The following RALYL variants were observed in gnomAD, a reference collection of about 807,000 sequenced individuals.
RALYL encodes RALY RNA binding protein like.
RALYL carries 29 observed loss-of-function variants against 35.1 expected under a neutral mutation model. The observed-to-expected ratio is 0.83, with a 90% CI of 0.61 to 1.13. The LOEUF is 1.13. Ranked by LOEUF, RALYL falls within the 50% of genes most tolerant of loss-of-function variation. The pLI is 0.00. For synonymous variants in RALYL, 120 were observed against 127.6 expected (o/e 0.94, Z 0.40); for missense variants, 359 against 360.4 (o/e 1.00, Z 0.03).
chr8:84,716,778 T>A (rs1842998390), intron 2 of RALYL, among the ~76,000 whole-genome samples: 1 of 152,156 alleles, frequency 6.6e-6, no homozygotes, highest in African/African-American at 2.4e-5. Flanking sequence ...TTGAGAAAAT[T>A]CTATTTGAAT....
intron 1 of RALYL, among the ~76,000 whole-genome samples, chr8:84,195,732 T>C (rs1815119222): frequency 6.6e-6 from 1 of 151,928 alleles, no homozygotes; most frequent in African/African-American, 2.4e-5. Flanking sequence ...TATGACAGTG[T>C]AGAGAAGAGG....
At chr8:84,418,804 T>A (rs1324616346) in intron 1 of RALYL, among the ~76,000 whole-genome samples, 1 of 152,154 alleles carries the variant, frequency 6.6e-6, no homozygotes, top group African/African-American at 2.4e-5. Context: ...TCACTGTTTG[T>A]CTCCCTCCAC....
intron 1 of RALYL, among the ~76,000 whole-genome samples, chr8:84,382,948 T>A (rs1417697004): frequency 2.6e-5 from 4 of 151,808 alleles, no homozygotes; most frequent in Admixed American, 2.0e-4. Flanking sequence ...TTAATTTGTT[T>A]TCTTCATAGT....
At chr8:84,689,794 A>G (rs1199378194) in intron 2 of RALYL, among the ~76,000 whole-genome samples, 1 of 152,124 alleles carries the variant, frequency 6.6e-6, no homozygotes, top group Non-Finnish European at 1.5e-5. Context: ...ATGATATCTC[A>G]TTATGGTTTT....
At chr8:84,518,226 T>A (rs2058205345) in intron 1 of RALYL, among the ~76,000 whole-genome samples, 1 of 152,116 alleles carries the variant, frequency 6.6e-6, no homozygotes, top group Non-Finnish European at 1.5e-5. Context: ...AACTTTAACC[T>A]TGACTAAGCT....
At chr8:84,313,233 G>A (rs191251145) in intron 1 of RALYL, among the ~76,000 whole-genome samples, 1 of 152,298 alleles carries the variant, frequency 6.6e-6, no homozygotes, top group East Asian at 1.9e-4. Context: ...CCCTAGACCT[G>A]GCCCACGAAA....
At chr8:84,514,030 G>A (rs956630274) in intron 1 of RALYL, among the ~76,000 whole-genome samples, 1 of 141,996 alleles carries the variant, frequency 7.0e-6, no homozygotes. Flanking sequence ...GGAGGTAGAG[G>A]TTGCAGTGAG....
intron 3 of RALYL, among the ~76,000 whole-genome samples, chr8:84,783,774 G>A (rs1186424284): frequency 1.3e-5 from 2 of 152,098 alleles, no homozygotes; most frequent in Admixed American, 6.5e-5. Flanking sequence ...GTTTTCTAAA[G>A]TAAATCCCCA....
intron 2 of RALYL, among the ~76,000 whole-genome samples, chr8:84,768,483 C>T (rs1423345141): frequency 6.6e-6 from 1 of 152,126 alleles, no homozygotes; most frequent in African/African-American, 2.4e-5. Context: ...CTACTAAAAC[C>T]AGGTTTTAGA....
chr8:84,793,075 A>T (rs983701189), intron 3 of RALYL, among the ~76,000 whole-genome samples: 6 of 152,184 alleles, frequency 3.9e-5, no homozygotes, highest in African/African-American at 1.4e-4. Flanking sequence ...GTGGGTGGTG[A>T]GTAAAGATAT....
intron 8 of RALYL, among the ~76,000 whole-genome samples, chr8:84,902,927 A>G (rs1344368749): frequency 1.3e-5 from 2 of 152,196 alleles, no homozygotes; most frequent in South Asian, 2.1e-4. Flanking sequence ...TAACATTGAA[A>G]GAAAAAAATT....
intron 1 of RALYL, among the ~76,000 whole-genome samples, chr8:84,256,991 AT>A (rs1163686069): frequency 5.9e-5 from 9 of 151,892 alleles, no homozygotes; most frequent in African/African-American, 2.2e-4. Flanking sequence ...TATTGGTTTA[AT>A]ATACTTATTA....
rs1170900058 is a variant in RALYL at position 84,442,077 on chromosome 8, G to A, written c.-23-87222G>A. Reference sequence around the variant, plus strand: ...TCACTGAACATTTGGATAACAGGGAGCACCAACAAAGGCAAAAAGAAAGAA... The same window carrying A: ...TCACTGAACATTTGGATAACAGGGAACACCAACAAAGGCAAAAAGAAAGAA... On this transcript the variant is annotated intron_variant, in intron 1 of 8. Transcript: ENST00000521268. Among the ~76,000 whole-genome samples the A allele has an allele frequency of 3.9e-5, 6 of 152,214 alleles. No individual in the cohort carries two copies. In the South Asian group the frequency reaches 1.2e-3, roughly 32 times the overall value.
chr8:84,758,876 A>C (rs911382179), intron 2 of RALYL, among the ~76,000 whole-genome samples: 2 of 152,188 alleles, frequency 1.3e-5, no homozygotes, highest in African/African-American at 4.8e-5. Flanking sequence ...AAATTACCAC[A>C]AGTTTAGTAA....
At chr8:84,441,838 CT>C (rs2048362165) in intron 1 of RALYL, among the ~76,000 whole-genome samples, 1 of 152,080 alleles carries the variant, frequency 6.6e-6, no homozygotes, top group South Asian at 2.1e-4. Flanking sequence ...CCTCATCCCA[CT>C]GCCCATGGCA....
rs2132139860 is a variant in RALYL, at chr8:84,690,505, G to A, written c.257-84074G>A. ...GTGCTGGGAGAGTAGACCTTAAATG[G>A]TCTCATCACACAAAAATGGTAATGG... On this transcript the variant is annotated intron_variant, in intron 2 of 8. Coordinates refer to ENST00000521268, the MANE Select transcript of RALYL (RefSeq NM_173848.7). 2.0e-5 allele frequency among the ~76,000 whole-genome samples: 3 copies of A among 152,088 alleles called. No homozygotes were observed. In the Middle Eastern group the frequency reaches 0.01, roughly 517 times the overall value.
chr8:84,901,368 A>G (rs1845659449), intron 8 of RALYL, among the ~76,000 whole-genome samples: 1 of 152,186 alleles, frequency 6.6e-6, no homozygotes, highest in Non-Finnish European at 1.5e-5. Context: ...AAGACAAAAA[A>G]TCGTACCTCA....
chr8:84,323,231 A>G (rs1268178611), intron 1 of RALYL, among the ~76,000 whole-genome samples: 7 of 152,086 alleles, frequency 4.6e-5, no homozygotes, highest in Non-Finnish European at 1.0e-4. Context: ...ATAGTAAAAC[A>G]TGCCTCAAGT....
At chr8:84,469,605 C>T (rs1243341948) in intron 1 of RALYL, among the ~76,000 whole-genome samples, 1 of 152,152 alleles carries the variant, frequency 6.6e-6, no homozygotes, top group African/African-American at 2.4e-5. Flanking sequence ...TGTTTGTGCC[C>T]TGCCCCCAGA....
Sources: gnomAD v4.1 joint callset for allele counts (sites outside exome capture counted in the v4.1 genomes callset) on GRCh38, gnomAD v4.1.1 for gene constraint, MANE v1.5 for transcripts, NCBI Gene and HGNC (gene_info 2026-07-23, HGNC 2026-07-21) for gene names.